EEFSEC: variants seen among roughly 807,000 people sequenced by gnomAD.
The protein encoded by EEFSEC is eukaryotic elongation factor, selenocysteine-tRNA specific.
EEFSEC carries 43 observed loss-of-function variants against 42.1 expected under a neutral mutation model. The observed-to-expected ratio is 1.02, with a 90% CI of 0.80 to 1.32. The LOEUF (loss-of-function observed/expected upper bound fraction) is 1.32, where lower values mean the gene tolerates loss of function less well. EEFSEC is among the 40% of genes most tolerant of loss of function. The pLI is 0.00. For missense variants in EEFSEC, 745 were observed against 803.6 expected, an observed-to-expected ratio of 0.93 and a Z score of 0.88; for synonymous variants, 354 against 339.1, an observed-to-expected ratio of 1.04 and a Z score of -0.48.
At chr3:128,283,335 A>G (rs2066549414) in intron 4 of EEFSEC, among the ~76,000 whole-genome samples, 1 of 152,226 alleles carries the variant, frequency 6.6e-6, no homozygotes, top group Middle Eastern at 3.2e-3. Flanking sequence ...TAGTGATAGT[A>G]ACCAACTCAG....
chr3:128,350,124 C>T (rs1029224154), intron 5 of EEFSEC, among the ~76,000 whole-genome samples: 2 of 152,250 alleles, frequency 1.3e-5, no homozygotes, highest in Admixed American at 6.5e-5. Flanking sequence ...CCATCAGGAG[C>T]ACTCGCCAGC....
At chr3:128,167,381 G>GGAATGAAT (rs909526043) in intron 1 of EEFSEC, among the ~76,000 whole-genome samples, 1 of 152,142 alleles carries the variant, frequency 6.6e-6, no homozygotes, top group Non-Finnish European at 1.5e-5. Context: ...CATGCATATC[G>GGAATGAAT]GAATGAATGA....
chr3:128,273,096 G>A (rs1270413232), intron 4 of EEFSEC, among the ~76,000 whole-genome samples: 2 of 152,130 alleles, frequency 1.3e-5, no homozygotes, highest in Non-Finnish European at 2.9e-5. Context: ...TCACCACCCT[G>A]TACAACTCTG....
intron 6 of EEFSEC, among the ~76,000 whole-genome samples, chr3:128,399,438 C>T (rs899476735): frequency 2.6e-5 from 4 of 152,224 alleles, no homozygotes; most frequent in Admixed American, 6.5e-5. Flanking sequence ...GCCCGCTCCG[C>T]CGCCTGCTTC....
At chr3:128,281,101 C>G (rs2066521313) in intron 4 of EEFSEC, among the ~76,000 whole-genome samples, 1 of 152,240 alleles carries the variant, frequency 6.6e-6, no homozygotes. Flanking sequence ...CATGGAAAGC[C>G]TGCTCTCCCC....
At chr3:128,222,575 G>A (rs1309678934) in intron 1 of EEFSEC, among the ~76,000 whole-genome samples, 1 of 152,060 alleles carries the variant, frequency 6.6e-6, no homozygotes, top group African/African-American at 2.4e-5. Context: ...ATGTTTAATG[G>A]CTCTGTATTA....
chr3:128,373,136 C>T (rs377514255), intron 6 of EEFSEC, among the ~76,000 whole-genome samples: 1 of 152,046 alleles, frequency 6.6e-6, no homozygotes, highest in Admixed American at 6.6e-5. Context: ...ATGACTTGCA[C>T]GAGGTCGCAC....
At chr3:128,385,238 C>T (rs2107618108) in intron 6 of EEFSEC, among the ~76,000 whole-genome samples, 1 of 152,300 alleles carries the variant, frequency 6.6e-6, no homozygotes, top group African/African-American at 2.4e-5. Flanking sequence ...TAAGACCCAA[C>T]CCTGTAGGTT....
intron 1 of EEFSEC, among the ~76,000 whole-genome samples, chr3:128,225,393 C>T (rs897200771): frequency 6.6e-6 from 1 of 152,184 alleles, no homozygotes; most frequent in Admixed American, 6.5e-5. Flanking sequence ...TACATGGCTA[C>T]AGGGAGTTCT....
the EEFSEC span, among the ~76,000 whole-genome samples, chr3:128,425,742 G>A: frequency 6.6e-6 from 1 of 152,174 alleles, no homozygotes; most frequent in Non-Finnish European, 1.5e-5. Context: ...CCTGTGGGCA[G>A]CAGGCAAGAA....
chr3:128,247,663 T>C (rs1219538171), intron 2 of EEFSEC, among the ~76,000 whole-genome samples: 1 of 152,168 alleles, frequency 6.6e-6, no homozygotes, highest in African/African-American at 2.4e-5. Flanking sequence ...AGTTTTATCT[T>C]GTGGAAAGTA....
At chr3:128,261,211 A>T (rs1275988405) in intron 2 of EEFSEC, among the ~76,000 whole-genome samples, 1 of 152,178 alleles carries the variant, frequency 6.6e-6, no homozygotes, top group Non-Finnish European at 1.5e-5. Context: ...TGTGGCTCTA[A>T]GGTTTATAGC....
At chr3:128,295,766 C>T (rs2066698928) in intron 4 of EEFSEC, among the ~76,000 whole-genome samples, 2 of 151,862 alleles carry the variant, frequency 1.3e-5, no homozygotes, top group African/African-American at 2.4e-5. Flanking sequence ...TGGCCTGGAC[C>T]CTGCTCTCCT....
intron 4 of EEFSEC, among the ~76,000 whole-genome samples, chr3:128,335,526 A>C (rs2067180688): frequency 2.0e-5 from 3 of 152,214 alleles, no homozygotes. Flanking sequence ...AGGGATGTGA[A>C]CAGTGGGTCG....
chr3:128,207,156 A>G (rs113201338), intron 1 of EEFSEC, among the ~76,000 whole-genome samples: 6 of 152,192 alleles, frequency 3.9e-5, no homozygotes, highest in African/African-American at 1.4e-4. Context: ...ACAGTATTTA[A>G]AGATGGCCAG....
intron 5 of EEFSEC, among the ~76,000 whole-genome samples, chr3:128,353,189 G>C (rs2067409831): frequency 6.6e-6 from 1 of 152,114 alleles, no homozygotes; most frequent in Admixed American, 6.5e-5. Flanking sequence ...ACATTATTTT[G>C]TTTAAAGTAA....
the EEFSEC span, among the ~76,000 whole-genome samples, chr3:128,418,098 C>T: frequency 6.6e-6 from 1 of 152,040 alleles, no homozygotes; most frequent in East Asian, 1.9e-4. Context: ...CTCCCAAACC[C>T]ACCACGTGCC....
At chr3:128,339,649 G>C (rs192085776) in intron 4 of EEFSEC, among the ~76,000 whole-genome samples, 2 of 152,198 alleles carry the variant, frequency 1.3e-5, no homozygotes, top group African/African-American at 4.8e-5. Context: ...TTACTCCTTT[G>C]CCTAAACTCC....
At chr3:128,160,518 T>C (rs1391470731) in intron 1 of EEFSEC, among the ~76,000 whole-genome samples, 2 of 152,158 alleles carry the variant, frequency 1.3e-5, no homozygotes, top group African/African-American at 4.8e-5. Context: ...GTGTGTGATA[T>C]GATTGGGCTG....
Sources: allele counts gnomAD v4.1 joint callset (sites outside exome capture counted in the v4.1 genomes callset), GRCh38; gene constraint gnomAD v4.1.1; transcripts MANE v1.5; gene names NCBI Gene and HGNC (gene_info 2026-07-23, HGNC 2026-07-21).